The following HEATR5B variants were observed in gnomAD, a reference collection of about 807,000 sequenced individuals.
HEATR5B encodes HEAT repeat containing 5B, also known as HEAT repeat-containing protein 5B.
HEATR5B carries 156 observed loss-of-function variants against 224.1 expected under a neutral mutation model. The observed-to-expected ratio is 0.70, with a 90% CI of 0.61 to 0.80. The LOEUF (loss-of-function observed/expected upper bound fraction) is 0.80. Among genes scored for constraint, HEATR5B ranks in the 30% least tolerant of loss-of-function variants. The pLI, the probability that HEATR5B is intolerant of heterozygous loss-of-function variation, is 0.00. For synonymous variants in HEATR5B, 1,027 were observed against 893.0 expected (o/e 1.15, Z -2.68); for missense variants, 2,323 against 2,535.5 (o/e 0.92, Z 1.80).
intron 13 of HEATR5B, 126 bp from the exon 14 acceptor site, chr2:37,058,686 G>C: frequency 1.4e-6 from 1 of 721,416 alleles, no homozygotes; most frequent in Non-Finnish European, 2.3e-6. Context: ...TTTAGCTTAT[G>C]TTGTGATCTT....
intron 18 of HEATR5B, among the ~76,000 whole-genome samples, chr2:37,045,138 G>T (rs1670110001): frequency 6.6e-6 from 1 of 152,000 alleles, no homozygotes; most frequent in Admixed American, 6.6e-5. Flanking sequence ...AAAATGTAAA[G>T]CATATTTATA....
intron 35 of HEATR5B, among the ~76,000 whole-genome samples, chr2:36,987,780 C>A (rs1043942233): frequency 6.6e-6 from 1 of 151,934 alleles, no homozygotes; most frequent in Non-Finnish European, 1.5e-5. Context: ...TATTTTAAAA[C>A]CCTATGAAAT....
intron 31 of HEATR5B, 103 bp from the exon 32 acceptor site, chr2:37,002,675 G>T: frequency 9.2e-7 from 1 of 1,092,592 alleles, no homozygotes; most frequent in Non-Finnish European, 1.3e-6. Flanking sequence ...ATAAGCAAAT[G>T]TCAAATAATG....
intron 33 of HEATR5B, among the ~76,000 whole-genome samples, chr2:36,991,642 CATTT>C (rs935483777): frequency 2.0e-5 from 3 of 151,698 alleles, no homozygotes; most frequent in African/African-American, 7.3e-5. Context: ...GAAATATGAA[CATTT>C]ATTCTAAAGA....
At chr2:37,024,361 C>T (rs1231201802) in intron 24 of HEATR5B, among the ~76,000 whole-genome samples, 2 of 152,158 alleles carry the variant, frequency 1.3e-5, no homozygotes, top group Non-Finnish European at 1.5e-5. Flanking sequence ...ACACTGTATT[C>T]TTGAAAAATG....
chr2:36,994,900 G>A (rs1666586231), intron 33 of HEATR5B, among the ~76,000 whole-genome samples: 1 of 151,702 alleles, frequency 6.6e-6, no homozygotes, highest in Non-Finnish European at 1.5e-5. Context: ...ACAGGTGCCT[G>A]CCACCACGCC....
rs1431465793 is a variant in HEATR5B at position 37,056,564 on chromosome 2, A to T, written c.2275T>A (p.Ser759Thr). ...CCAGCAGGTATGCGTAAATAAATAG[A>T]GGAAGGATCATGCTCCAGAGCCCCA... ...GSGALEHDPSSIYLRIPAGEA... is the reference protein window; with the variant it reads ...GSGALEHDPSTIYLRIPAGEA... Residue 759 changes from serine (S) to threonine (T), a missense_variant, in exon 16 of 36, where the codon TCT becomes ACT. Around this residue, in one of 12 missense-constraint regions of HEATR5B, gnomAD observed 170 missense variants for 216.7 expected, o/e 0.78. Coordinates refer to ENST00000233099, the MANE Select transcript of HEATR5B (RefSeq NM_019024.3). 2 of 1,613,422 alleles carry T rather than the reference A, an allele frequency of 1.2e-6. No individual in the cohort carries two copies. The highest frequency in any genetic ancestry group is 2.2e-5 in the South Asian group (2 of 91,008).
chr2:37,036,756 C>T (rs1251866845), intron 21 of HEATR5B, among the ~76,000 whole-genome samples: 1 of 152,070 alleles, frequency 6.6e-6, no homozygotes, highest in Non-Finnish European at 1.5e-5. Flanking sequence ...AGGTGATCCC[C>T]CCGCCTTGGC....
At chr2:37,000,309 T>G (rs1641911990) in intron 33 of HEATR5B, among the ~76,000 whole-genome samples, 3 of 152,054 alleles carry the variant, frequency 2.0e-5, no homozygotes, top group Non-Finnish European at 2.9e-5. Context: ...ACTCCTGACC[T>G]CAGGTATCTG....
chr2:37,060,853 T>TA, intron 11 of HEATR5B, 120 bp from the exon 12 acceptor site: 1 of 658,014 alleles, frequency 1.5e-6, no homozygotes, highest in Non-Finnish European at 2.5e-6. Flanking sequence ...TAGAGTAAAA[T>TA]ACTGATGTTT....
chr2:37,019,839 T>C lies in HEATR5B; in HGVS notation c.4074A>G (p.Thr1358=). ...AAGCTTTCGCTATTATATCTGATGG[T>C]GTATCTTGTGAAAAGGCTGGTCTTA... ...AALRPAFSQD[T]PSDIIAKACQ... is the part of the protein sequence containing the mutation. Residue 1358 remains threonine (T), a synonymous_variant, in exon 26 of 36, where the codon ACA becomes ACG. Coordinates refer to ENST00000233099, the MANE Select transcript of HEATR5B (RefSeq NM_019024.3). The C allele has an allele frequency of 6.2e-7, 1 of 1,610,724 alleles. No homozygotes were observed. The highest frequency in any genetic ancestry group is 8.5e-7 in the Non-Finnish European group (1 of 1,178,346).
At chr2:37,058,839 T>C in intron 13 of HEATR5B, 49 bp downstream of exon 13, 1 of 1,094,710 alleles carries the variant, frequency 9.1e-7, no homozygotes, top group South Asian at 1.4e-5. Flanking sequence ...GAGAAGTATA[T>C]TATTAATATA....
At chr2:37,071,368 C>T (rs553218281) in intron 6 of HEATR5B, among the ~76,000 whole-genome samples, 1 of 152,110 alleles carries the variant, frequency 6.6e-6, no homozygotes, top group Non-Finnish European at 1.5e-5. Context: ...GATATCTCTA[C>T]GGAACTGTGA....
intron 33 of HEATR5B, among the ~76,000 whole-genome samples, chr2:36,998,270 A>G (rs1666859630): frequency 6.6e-6 from 1 of 152,248 alleles, no homozygotes; most frequent in Admixed American, 6.5e-5. Context: ...AAATGTAAGC[A>G]TTTCACCAAA....
chr2:37,077,129 T>A (rs1672283760), intron 3 of HEATR5B, 110 bp from the exon 4 acceptor site: 2 of 858,348 alleles, frequency 2.3e-6, no homozygotes, highest in African/African-American at 1.7e-5. Flanking sequence ...TTGGCTATAA[T>A]CCTTAATTTC....
At chr2:37,065,172 C>T (rs1434650885) in intron 9 of HEATR5B, among the ~76,000 whole-genome samples, 182 bp from the exon 10 acceptor site, 1 of 152,110 alleles carries the variant, frequency 6.6e-6, no homozygotes, top group Non-Finnish European at 1.5e-5. Context: ...CTATGAAGAA[C>T]ATAGTACAAT....
intron 24 of HEATR5B, among the ~76,000 whole-genome samples, chr2:37,024,364 G>C (rs1441893991): frequency 1.3e-5 from 2 of 152,102 alleles, no homozygotes; most frequent in Non-Finnish European, 2.9e-5. Flanking sequence ...CTGTATTCTT[G>C]AAAAATGCAA....
intron 18 of HEATR5B, among the ~76,000 whole-genome samples, chr2:37,042,785 C>G (rs763229174): frequency 2.0e-5 from 3 of 150,794 alleles, no homozygotes; most frequent in Non-Finnish European, 3.0e-5. Context: ...CCAGCTACTC[C>G]GGAGGCTGAG....
At position 37,008,768 on chromosome 2, in the gene HEATR5B, A is replaced by G. The variant is rs571245366; in HGVS notation, c.4365T>C (p.Asp1455=). The change falls in exon 28 of 36, where the codon GAT becomes GAC. Residue 1455 remains aspartate (D), a synonymous_variant. Coordinates refer to ENST00000233099, the MANE Select transcript of HEATR5B (RefSeq NM_019024.3). ...KRAIKNTDDD[D]DDCGTIDELP... ...GTTCATCGATGGTACCACAGTCGTC[A>G]TCATCATCGTCAGTATTTTTAATTG... 5 of 1,614,030 alleles carry G rather than the reference A, an allele frequency of 3.1e-6. No homozygotes were observed. Among genetic ancestry groups the G allele is most frequent in the Admixed American group, 3.3e-5 (2 of 60,012 alleles).
Sources: allele counts gnomAD v4.1 joint callset (sites outside exome capture counted in the v4.1 genomes callset), GRCh38; gene constraint gnomAD v4.1.1; regional missense constraint gnomAD v4.1.1; transcripts MANE v1.5; gene names NCBI Gene and HGNC (gene_info 2026-07-23, HGNC 2026-07-21).